KIRREL3: variants seen among roughly 807,000 people sequenced by gnomAD.
KIRREL3 encodes the protein kirre like nephrin family adhesion molecule 3.
In KIRREL3, 36 loss-of-function variants were observed where a neutral mutation model predicts 89.7. That is an observed-to-expected ratio of 0.40 (90% confidence interval 0.31 to 0.53). KIRREL3 has a LOEUF of 0.53. Among genes scored for constraint, KIRREL3 ranks in the 20% least tolerant of loss-of-function variants. The pLI, the probability that KIRREL3 is intolerant of heterozygous loss-of-function variation, is 0.49. For synonymous variants in KIRREL3, 445 were observed against 441.4 expected, an observed-to-expected ratio of 1.01 and a Z score of -0.10; for missense variants, 864 against 1,056.6, an observed-to-expected ratio of 0.82 and a Z score of 2.53.
chr11:126,593,595 C>T (rs647703), intron 1 of KIRREL3, among the ~76,000 whole-genome samples: 2 of 152,250 alleles, frequency 1.3e-5, no homozygotes, highest in Non-Finnish European at 2.9e-5. Context: ...CTGATCATTT[C>T]TCCATAGCCA....
chr11:126,818,624 A>T (rs867816177), intron 1 of KIRREL3, among the ~76,000 whole-genome samples: 635 of 56,694 alleles, frequency 0.011, 2 homozygotes, highest in East Asian at 0.047. Context: ...TAGTAGTAGT[A>T]GTGTGTGTGT....
rs1489567467 is a variant in KIRREL3, at chr11:126,445,066, G to A, written c.1165C>T (p.Arg389Cys). The change falls in exon 10 of 17, where the codon CGC becomes TGC. Residue 389 changes from arginine to cysteine, a missense_variant. Physicochemically the swap from Arg to Cys is radical, Grantham distance 180. Coordinates refer to ENST00000525144, the MANE Select transcript of KIRREL3 (RefSeq NM_032531.4). ...NEKTLTLKSV[R>C]QEDAGKYVCR... Reference sequence around the variant, plus strand: ...ACGTACTTGCCCGCGTCCTCCTGGCGCACGGATTTGAGGGTCAGGGTCTTC... The same window carrying A: ...ACGTACTTGCCCGCGTCCTCCTGGCACACGGATTTGAGGGTCAGGGTCTTC... 1.1e-5 allele frequency: 18 copies of A among 1,613,876 alleles called. No homozygotes were observed. Among genetic ancestry groups the A allele is most frequent in the Admixed American group, 5.0e-5 (3 of 60,004 alleles).
intron 1 of KIRREL3, among the ~76,000 whole-genome samples, chr11:126,593,530 A>C (rs1368483047): frequency 6.6e-6 from 1 of 152,134 alleles, no homozygotes; most frequent in African/African-American, 2.4e-5. Flanking sequence ...GTGGGCAATG[A>C]ACACCCGGCT....
At position 126,612,034 on chromosome 11, in the gene KIRREL3, T is replaced by C. The variant is rs1256171551; in HGVS notation, c.56-49122A>G. On this transcript the variant is annotated intron_variant, in intron 1 of 16. Transcript: ENST00000525144. The surrounding 1 kb of genome is among the most constrained non-coding windows in gnomAD (Gnocchi z 4.5). Reference sequence around the variant, plus strand: ...CCCCTGTGCACTCTCATGTTACCTGTGCATCTCCTTCACAACTCACGTCAC... The same window carrying C: ...CCCCTGTGCACTCTCATGTTACCTGCGCATCTCCTTCACAACTCACGTCAC... Among the ~76,000 whole-genome samples, 3 of 152,212 alleles carry C rather than the reference T, an allele frequency of 2.0e-5. No individual in the cohort carries two copies. Among genetic ancestry groups the C allele is most frequent in the Non-Finnish European group, 4.4e-5 (3 of 68,034 alleles).
rs12293078 is a variant in KIRREL3, at chr11:126,553,627, G to A, written c.133+9208C>T. 0.085 allele frequency among the ~76,000 whole-genome samples: 12,860 copies of A among 152,182 alleles called. 1,558 individuals are homozygous for A. Among genetic ancestry groups the A allele is most frequent in the African/African-American group, 0.27 (11,124 of 41,460 alleles). On this transcript the variant is annotated intron_variant, in intron 2 of 16. Transcript: ENST00000525144. This position sits in a 1 kb window ranked among gnomAD's most constrained non-coding sequence, Gnocchi z 4.7. ...TGGGGCTATCTGCGTGTCGATTCCC[G>A]TCACCTTCTGAACCTTGAAGGGAGT...
At chr11:126,598,293 G>A (rs1030763737) in intron 1 of KIRREL3, among the ~76,000 whole-genome samples, 1 of 152,222 alleles carries the variant, frequency 6.6e-6, no homozygotes, top group African/African-American at 2.4e-5. Flanking sequence ...GGGGCAAAGA[G>A]TGCTATTTGC....
rs866354261 is a variant in KIRREL3 at position 126,521,702 on chromosome 11, G to C, written c.284-238C>G. ...TGTGTGTGTGTGTGTGTGTGTGTGT[G>C]TGTGTGTGTGTGTGTGTGTGTGTGT... On this transcript the variant is annotated intron_variant, in intron 3 of 16. Transcript: ENST00000525144. This position sits in a 1 kb window ranked among gnomAD's most constrained non-coding sequence, Gnocchi z 4.1. Among the ~76,000 whole-genome samples, 50 of 129,370 alleles carry C rather than the reference G, an allele frequency of 3.9e-4. No individual in the cohort carries two copies. The highest frequency in any genetic ancestry group is 2.0e-3 in the African/African-American group (48 of 24,206). The allele number at this position is 129,370 out of a possible 152,430, so 84.9% of individuals were successfully genotyped here. A position where few individuals can be genotyped will look rare whatever the true frequency, so the allele number is the denominator to read the frequency against.
At chr11:126,511,376 A>G (rs1211003933) in intron 4 of KIRREL3, among the ~76,000 whole-genome samples, 1 of 151,764 alleles carries the variant, frequency 6.6e-6, no homozygotes, top group Non-Finnish European at 1.5e-5. Flanking sequence ...GGCTGCCTGG[A>G]GAGGCAGTCG....
At chr11:126,549,917 C>T (rs759016453) in intron 2 of KIRREL3, 14 of 152,222 alleles carry the variant, frequency 9.2e-5, no homozygotes, top group Non-Finnish European at 1.5e-4. Context: ...TTGCAACAGC[C>T]TCTTAGAATA....
rs184624684 is a variant in KIRREL3, at chr11:126,473,858, A to G, written c.434-392T>C. Among the ~76,000 whole-genome samples the G allele has an allele frequency of 2.9e-4, 44 of 152,210 alleles. 2 individuals are homozygous for G. Among genetic ancestry groups the G allele is most frequent in the African/African-American group, 1.0e-3 (42 of 41,538 alleles). On this transcript the variant is annotated intron_variant, in intron 4 of 16. Coordinates refer to ENST00000525144, the MANE Select transcript of KIRREL3 (RefSeq NM_032531.4). ...ACCCAGGCTGGAGTGCAGTAGCATG[A>G]TCTCGGCTCACTGCAACCTCTGCCT... is the stretch of plus-strand genomic sequence containing the variant.
rs1292308158 is a variant in KIRREL3 at position 126,682,893 on chromosome 11, G to GA, written c.56-119982dup. 2.6e-5 allele frequency among the ~76,000 whole-genome samples: 4 copies of GA among 152,174 alleles called. No individual in the cohort carries two copies. The highest frequency in any genetic ancestry group is 1.5e-5 in the Non-Finnish European group (1 of 68,026). On this transcript the variant is annotated intron_variant, in intron 1 of 16. Transcript: ENST00000525144. The surrounding 1 kb of genome is among the most constrained non-coding windows in gnomAD (Gnocchi z 4.8). ...TGGGGATCCCTGTTCTATGAGGATA[G>GA]AAAATCTGGTAAAGTAATTCACCCT...
chr11:126,532,225 C>T (rs1411748410), intron 2 of KIRREL3, among the ~76,000 whole-genome samples: 1 of 152,176 alleles, frequency 6.6e-6, no homozygotes, highest in East Asian at 1.9e-4. Flanking sequence ...GTCACTCAAA[C>T]CCCAATGGTC....
At position 126,515,658 on chromosome 11, in the gene KIRREL3, T is replaced by C. The variant is rs111957057; in HGVS notation, c.433+5657A>G. Among the ~76,000 whole-genome samples the C allele has an allele frequency of 9.9e-5, 15 of 152,242 alleles. No homozygotes were observed. Among genetic ancestry groups the C allele is most frequent in the African/African-American group, 3.4e-4 (14 of 41,540 alleles). Reference sequence around the variant, plus strand: ...CAGAGGCTTGGTGAGCGGAAGGAGATGCCAGCTGCTTGTTAGTGCGGGAGC... The same window carrying C: ...CAGAGGCTTGGTGAGCGGAAGGAGACGCCAGCTGCTTGTTAGTGCGGGAGC... On this transcript the variant is annotated intron_variant, in intron 4 of 16. Coordinates refer to ENST00000525144, the MANE Select transcript of KIRREL3 (RefSeq NM_032531.4). The surrounding 1 kb of genome is among the most constrained non-coding windows in gnomAD (Gnocchi z 4.2).
chr11:126,549,198 T>C (rs1939059957), intron 2 of KIRREL3: 1 of 152,232 alleles, frequency 6.6e-6, no homozygotes, highest in Admixed American at 6.5e-5. Flanking sequence ...TAGGCCATTA[T>C]GTGTATTTCA....
At position 126,905,767 on chromosome 11, in the gene KIRREL3, C is replaced by A. The variant is rs1321771071; in HGVS notation, c.55+94688G>T. On this transcript the variant is annotated intron_variant, in intron 1 of 16. Coordinates refer to ENST00000525144, the MANE Select transcript of KIRREL3 (RefSeq NM_032531.4). The surrounding 1 kb of genome is among the most constrained non-coding windows in gnomAD (Gnocchi z 5.0). ...ACAGCCTGACAACACAGAGCCCTAT[C>A]TGCCGCTGCCAGTTCGGGCGGATGC... 6.6e-6 allele frequency among the ~76,000 whole-genome samples: 1 copy of A among 152,192 alleles called. No homozygotes were observed. Among genetic ancestry groups the A allele is most frequent in the Non-Finnish European group, 1.5e-5 (1 of 68,034 alleles).
rs750741200 is a variant in KIRREL3 at position 126,526,527 on chromosome 11, G to T, written c.283+11C>A. ...CCCCAGGCCCACCCCAGGAGGTCTG[G>T]AGGTACTCACTTGAGAGGTCCCTGC... On this transcript the variant is annotated intron_variant, in intron 3 of 16. Transcript: ENST00000525144. The surrounding 1 kb of genome is among the most constrained non-coding windows in gnomAD (Gnocchi z 5.7). 15 of 1,609,724 alleles carry T rather than the reference G, an allele frequency of 9.3e-6. No homozygotes were observed. In the South Asian group the frequency reaches 1.5e-4, roughly 17 times the overall value.
intron 1 of KIRREL3, among the ~76,000 whole-genome samples, chr11:126,730,691 G>T (rs570052769): frequency 6.6e-6 from 1 of 152,282 alleles, no homozygotes; most frequent in South Asian, 2.1e-4. Context: ...AATGGCGGTA[G>T]TCCCCAGGTA....
intron 4 of KIRREL3, 120 bp from the exon 5 acceptor site, chr11:126,473,586 G>A (rs548167968): frequency 1.7e-5 from 14 of 805,728 alleles, no homozygotes; most frequent in South Asian, 1.1e-4. Flanking sequence ...TTAATAAAAC[G>A]CATCGTCCGC....
At chr11:126,542,821 A>G (rs1938473352) in intron 2 of KIRREL3, among the ~76,000 whole-genome samples, 1 of 152,220 alleles carries the variant, frequency 6.6e-6, no homozygotes, top group African/African-American at 2.4e-5. Context: ...GAATGGGGAC[A>G]ATTTGCCAAC....
Sources: gnomAD v4.1 joint callset for allele counts (sites outside exome capture counted in the v4.1 genomes callset) on GRCh38, gnomAD v4.1.1 for gene constraint, Gnocchi (gnomAD v3.1) non-coding constraint, MANE v1.5 for transcripts, NCBI Gene and HGNC (gene_info 2026-07-23, HGNC 2026-07-21) for gene names.